VWC2: variants seen among roughly 807,000 people sequenced by gnomAD.
The protein encoded by VWC2 is von Willebrand factor C domain containing 2.
VWC2 carries 14 observed loss-of-function variants against 29.8 expected under a neutral mutation model. The ratio of observed to expected loss-of-function variants is 0.47; its 90% CI spans 0.31 to 0.74. VWC2 has a LOEUF of 0.74. VWC2 is among the 30% of genes least tolerant of loss of function. The pLI, the probability that VWC2 is intolerant of heterozygous loss-of-function variation, is 0.05. For missense variants in VWC2, 457 were observed against 459.8 expected (o/e 0.99, Z 0.05); for synonymous variants, 213 against 199.0 (o/e 1.07, Z -0.59).
intron 3 of VWC2, among the ~76,000 whole-genome samples, chr7:49,808,040 T>G (rs1160870014): frequency 6.6e-6 from 1 of 152,112 alleles, no homozygotes; most frequent in Non-Finnish European, 1.5e-5. Context: ...GTGGGCTGCC[T>G]TCATTATTTC....
rs942808489 is a variant in VWC2 at position 49,917,526 on chromosome 7, C to T, written c.*5341C>T. The T allele has an allele frequency of 2.6e-5, 4 of 152,068 alleles. No individual in the cohort carries two copies. The highest frequency in any genetic ancestry group is 9.7e-5 in the African/African-American group (4 of 41,406). The allele number at this position is 152,068 out of a possible 1,614,324, so 9.4% of individuals were successfully genotyped here. A position where few individuals can be genotyped will look rare whatever the true frequency, so the allele number is the denominator to read the frequency against. The stretch of plus-strand genomic sequence containing the variant: ...AAAGTACATAAAACCTCTGGCTGAC[C>T]TATTATATAGGCACAGAATTATCAA... On this transcript the variant is annotated 3_prime_UTR_variant, in exon 4 of 4. Transcript: ENST00000340652.
intron 2 of VWC2, among the ~76,000 whole-genome samples, chr7:49,791,569 A>G (rs1788463232): frequency 6.6e-6 from 1 of 152,182 alleles, no homozygotes; most frequent in Non-Finnish European, 1.5e-5. Flanking sequence ...CCTTTTGGGC[A>G]GTCAGGAATC....
chr7:49,919,789 A>G lies in VWC2; in HGVS notation c.*7604A>G, dbSNP rs568711630. Reference sequence around the variant, plus strand: ...CAGCTGCCACCGGCCAGGTCTATCTATTGCTCCCACCTGCTCTGACTGTTT... The same window carrying G: ...CAGCTGCCACCGGCCAGGTCTATCTGTTGCTCCCACCTGCTCTGACTGTTT... On this transcript the variant is annotated 3_prime_UTR_variant, in exon 4 of 4. Coordinates refer to ENST00000340652, the MANE Select transcript of VWC2 (RefSeq NM_198570.5). 1.3e-5 allele frequency: 2 copies of G among 152,392 alleles called. No individual in the cohort carries two copies. Among genetic ancestry groups the G allele is most frequent in the African/African-American group, 4.8e-5 (2 of 41,546 alleles). The allele number at this position is 152,392 out of a possible 1,614,324, so 9.4% of individuals were successfully genotyped here.
intron 3 of VWC2, among the ~76,000 whole-genome samples, chr7:49,829,459 C>A (rs531316155): frequency 1.3e-5 from 2 of 152,190 alleles, no homozygotes; most frequent in African/African-American, 4.8e-5. Flanking sequence ...ATAGCACCCC[C>A]GGTTAAGATT....
chr7:49,853,204 C>T (rs984440248), intron 3 of VWC2, among the ~76,000 whole-genome samples: 14 of 152,346 alleles, frequency 9.2e-5, no homozygotes, highest in Admixed American at 7.8e-4. Flanking sequence ...TGAGGCCTCT[C>T]GTGGTCAGGC....
intron 3 of VWC2, among the ~76,000 whole-genome samples, chr7:49,895,231 A>G (rs1562758040): frequency 6.6e-6 from 1 of 152,182 alleles, no homozygotes; most frequent in Non-Finnish European, 1.5e-5. Context: ...AAGGATGAAC[A>G]GTTCCCTCAC....
At chr7:49,779,931 C>G (rs745446139) in intron 2 of VWC2, among the ~76,000 whole-genome samples, 2 of 152,186 alleles carry the variant, frequency 1.3e-5, no homozygotes, top group Non-Finnish European at 1.5e-5. Flanking sequence ...GGATTGGGGC[C>G]TGACTTCATT....
chr7:49,788,672 TGTGA>T (rs1788362527), intron 2 of VWC2, among the ~76,000 whole-genome samples: 2 of 134,536 alleles, frequency 1.5e-5, no homozygotes, highest in Non-Finnish European at 3.1e-5. Flanking sequence ...TATGAGAGTC[TGTGA>T]GTGTGGGTGT....
intron 3 of VWC2, among the ~76,000 whole-genome samples, chr7:49,889,488 G>C (rs1792037594): frequency 6.6e-6 from 1 of 152,198 alleles, no homozygotes; most frequent in Admixed American, 6.5e-5. Flanking sequence ...CAAAATCAGG[G>C]CAGCTAAGAC....
chr7:49,791,979 C>T (rs1788470581), intron 2 of VWC2, among the ~76,000 whole-genome samples: 1 of 152,168 alleles, frequency 6.6e-6, no homozygotes, highest in African/African-American at 2.4e-5. Flanking sequence ...CAAGGCTTAG[C>T]CTCTTTGTGT....
At chr7:49,861,514 A>G (rs541072581) in intron 3 of VWC2, among the ~76,000 whole-genome samples, 36 of 152,102 alleles carry the variant, frequency 2.4e-4, no homozygotes, top group Non-Finnish European at 4.1e-4. Flanking sequence ...CAGTTCATCT[A>G]TTTTTTTCTT....
At chr7:49,863,813 C>G (rs918381468) in intron 3 of VWC2, among the ~76,000 whole-genome samples, 1 of 152,124 alleles carries the variant, frequency 6.6e-6, no homozygotes, top group African/African-American at 2.4e-5. Flanking sequence ...TTAGTGTGCT[C>G]TCTTTTTACT....
chr7:49,895,319 C>T (rs1375077962), intron 3 of VWC2, among the ~76,000 whole-genome samples: 1 of 152,186 alleles, frequency 6.6e-6, no homozygotes, highest in East Asian at 1.9e-4. Flanking sequence ...AAGGCTTCAC[C>T]TCTTAATACT....
intron 3 of VWC2, among the ~76,000 whole-genome samples, chr7:49,881,906 C>G (rs1338321095): frequency 6.6e-6 from 1 of 151,914 alleles, no homozygotes; most frequent in African/African-American, 2.4e-5. Context: ...TAGGTATACT[C>G]AATTTCCAAT....
intron 3 of VWC2, among the ~76,000 whole-genome samples, chr7:49,884,469 G>A (rs1218593110): frequency 1.3e-5 from 2 of 152,074 alleles, no homozygotes; most frequent in East Asian, 1.9e-4. Flanking sequence ...TTCGGGGTGG[G>A]GTAAGAAAGT....
chr7:49,790,592 C>A (rs1198517717), intron 2 of VWC2, among the ~76,000 whole-genome samples: 1 of 152,116 alleles, frequency 6.6e-6, no homozygotes, highest in Non-Finnish European at 1.5e-5. Flanking sequence ...AATTAGCTCT[C>A]TTTTTGAGGG....
chr7:49,898,714 A>G (rs577979446), intron 3 of VWC2, among the ~76,000 whole-genome samples: 33 of 152,234 alleles, frequency 2.2e-4, no homozygotes, highest in African/African-American at 7.2e-4. Context: ...AAAAAGAAGA[A>G]TTAGGTTTAT....
chr7:49,849,733 G>T (rs1261765207), intron 3 of VWC2, among the ~76,000 whole-genome samples: 1 of 152,160 alleles, frequency 6.6e-6, no homozygotes, highest in Non-Finnish European at 1.5e-5. Context: ...CTGAAGAATG[G>T]GCAACCAGCC....
intron 3 of VWC2, among the ~76,000 whole-genome samples, chr7:49,808,222 A>G (rs1788921261): frequency 6.6e-6 from 1 of 152,168 alleles, no homozygotes; most frequent in African/African-American, 2.4e-5. Flanking sequence ...ATCACTAAGA[A>G]AATTAATAAA....
Sources: allele counts gnomAD v4.1 joint callset (sites outside exome capture counted in the v4.1 genomes callset), GRCh38; gene constraint gnomAD v4.1.1; transcripts MANE v1.5; gene names NCBI Gene and HGNC (gene_info 2026-07-23, HGNC 2026-07-21).